Variants in CCDC120 observed in about 807,000 individuals in gnomAD.
CCDC120 encodes the protein coiled-coil domain containing 120, also known as coiled-coil domain-containing protein 120.
Under a neutral mutation model 37.6 loss-of-function variants are expected in CCDC120, and 16 were observed. The observed-to-expected ratio is 0.43, with a 90% confidence interval of 0.29 to 0.65. CCDC120 has a LOEUF of 0.65. Among genes scored for constraint, CCDC120 ranks in the 30% least tolerant of loss-of-function variants. The probability of loss-of-function intolerance (pLI) is 0.18; values close to 1 mark genes in which losing one functional copy is unlikely to be tolerated. For synonymous variants in CCDC120, 309 were observed against 275.4 expected, an observed-to-expected ratio of 1.12 and a Z score of -1.21; for missense variants, 650 against 657.4, an observed-to-expected ratio of 0.99 and a Z score of 0.12.
Position 49,067,736 on chromosome X carries a change from C to A in CCDC120, c.1622C>A (p.Pro541His), listed in dbSNP as rs782321666. The A allele has an allele frequency of 3.6e-5, 43 of 1,194,653 alleles. No homozygotes were observed. Among genetic ancestry groups the A allele is most frequent in the Middle Eastern group, 2.3e-4 (1 of 4,316 alleles). Reference sequence around the variant, plus strand: ...AGCCCCCTCCTCCGCACCAAGGACCCCCACACCCGTGCCACCCGCACTAAG... The same window carrying A: ...AGCCCCCTCCTCCGCACCAAGGACCACCACACCCGTGCCACCCGCACTAAG... ...SNSPLLRTKD[P>H]HTRATRTKPC... The change falls in exon 10 of 11, where the codon CCC (proline) becomes CAC (histidine). Residue 541 changes from proline to histidine, a missense_variant. Around this residue, in one of 3 missense-constraint regions of CCDC120, gnomAD observed 576 missense variants for 565.3 expected, o/e 1.02. Transcript: ENST00000603986.
chrX:49,062,309 T>G lies in CCDC120; in HGVS notation c.138T>G (p.Pro46=), dbSNP rs2064895172. The G allele has an allele frequency of 1.7e-6, 2 of 1,209,446 alleles. No homozygotes were observed. Among genetic ancestry groups the G allele is most frequent in the Non-Finnish European group, 2.2e-6 (2 of 893,943 alleles). ...TCAAAGGTCAGCTGATCAGCTCTCCTACCTTCAATGCCCCAGGTCGGTGGC... is the reference window on the plus strand; with the variant it reads ...TCAAAGGTCAGCTGATCAGCTCTCCGACCTTCAATGCCCCAGGTCGGTGGC... The part of the protein sequence containing the change: ...MEVKGQLISS[P]TFNAPAALFG... Residue 46 remains proline, a synonymous_variant, in exon 3 of 11, where the codon CCT becomes CCG. Coordinates refer to ENST00000603986, the MANE Select transcript of CCDC120 (RefSeq NM_001163321.4).
chrX:49,067,257 T>C lies in CCDC120; in HGVS notation c.1143T>C (p.Asp381=), dbSNP rs1569522834. 1.1e-5 allele frequency: 13 copies of C among 1,210,869 alleles called. No homozygotes were observed. Among genetic ancestry groups the C allele is most frequent in the Non-Finnish European group, 1.5e-5 (13 of 895,291 alleles). The change falls in exon 10 of 11, where the codon GAT becomes GAC. Residue 381 remains aspartate (D), a synonymous_variant. Coordinates refer to ENST00000603986, the MANE Select transcript of CCDC120 (RefSeq NM_001163321.4). ...TCCCCCGGGCGGACCCTGCCTCCGA[T>C]CGCGCCTCCCTCTTCGTAGCTCGCA... The part of the protein sequence containing the change: ...MGFPRADPAS[D]RASLFVARTR...
At chrX:49,060,053 G>A (rs1197964452) in intron 1 of CCDC120, among the ~76,000 whole-genome samples, 4 of 112,243 alleles carry the variant, frequency 3.6e-5, no homozygotes, top group Non-Finnish European at 3.8e-5. Flanking sequence ...ATGTCCCCCC[G>A]AGGTCGGGCT....
chrX:49,067,712 GC>G lies in CCDC120; in HGVS notation c.1603del (p.Leu535SerfsTer136). On this transcript the variant is annotated frameshift_variant, in exon 10 of 11. Transcript: ENST00000603986. LOFTEE classifies it high-confidence loss of function. ...CCTGTGTATGCAGCTGACAGCAACA[GC>G]CCCCTCCTCCGCACCAAGGACCCCC... is the stretch of plus-strand genomic sequence containing the variant. ...PPPVYAADSN[S>X]PLLRTKDPHT... is the part of the protein sequence containing the mutation. 1 of 1,195,882 alleles carries G rather than the reference GC, an allele frequency of 8.4e-7. No homozygotes were observed. The highest frequency in any genetic ancestry group is 1.1e-6 in the Non-Finnish European group (1 of 884,838).
At chrX:49,054,285 T>C (rs897025087), upstream of CCDC120, among the ~76,000 whole-genome samples, 1 of 111,396 alleles carries the variant, frequency 9.0e-6, no homozygotes, top group Non-Finnish European at 1.9e-5. Flanking sequence ...GCTTGACCTG[T>C]CTGTTCCCTA....
At chrX:49,068,170 C>A in intron 10 of CCDC120, 80 bp downstream of exon 10, 1 of 1,123,902 alleles carries the variant, frequency 8.9e-7, no homozygotes, top group South Asian at 2.2e-5. Context: ...AGTGGCTAGT[C>A]ATGATAGCTA....
upstream of CCDC120, among the ~76,000 whole-genome samples, chrX:49,054,178 C>T (rs1276331090): frequency 3.6e-5 from 4 of 111,212 alleles, no homozygotes; most frequent in Non-Finnish European, 5.7e-5. Context: ...TCCTGGGGAT[C>T]TTTGACCTGA....
intron 5 of CCDC120, 55 bp from the exon 6 acceptor site, chrX:49,064,315 G>C: frequency 9.1e-7 from 1 of 1,103,370 alleles, no homozygotes; most frequent in Non-Finnish European, 1.2e-6. Flanking sequence ...TACTGGGTTT[G>C]GCCCCGCCAG....
At position 49,065,600 on chromosome X, in the gene CCDC120, C is replaced by T. The variant is rs782501229; in HGVS notation, c.934C>T (p.Arg312Trp). Residue 312 changes from arginine (R) to tryptophan (W), a missense_variant, in exon 8 of 11, where the codon CGG becomes TGG. Physicochemically the swap from Arg to Trp is moderately radical, Grantham distance 101 (BLOSUM62 -3). This residue lies in a region of CCDC120 where 576 missense variants were observed against 565.3 expected (regional missense o/e 1.02). Coordinates refer to ENST00000603986, the MANE Select transcript of CCDC120 (RefSeq NM_001163321.4). ...PSDLYGDLKS[R>W]RNSVASPTSP... ...AGATCTTTATGGGGATCTGAAGAGC[C>T]GGCGGAACTCTGTGGCCAGCCCCAC... 4.1e-6 allele frequency: 5 copies of T among 1,207,637 alleles called. No individual in the cohort carries two copies. The highest frequency in any genetic ancestry group is 3.0e-5 in the East Asian group (1 of 33,717).
At chrX:49,061,902 G>A in intron 1 of CCDC120, 57 bp from the exon 2 acceptor site, 1 of 1,068,572 alleles carries the variant, frequency 9.4e-7, no homozygotes, top group South Asian at 2.3e-5. Flanking sequence ...GGTGTTGACT[G>A]CGTGTCCATT....
At chrX:49,060,679 G>A (rs1557079275) in intron 1 of CCDC120, among the ~76,000 whole-genome samples, 1 of 110,797 alleles carries the variant, frequency 9.0e-6, no homozygotes, top group African/African-American at 3.3e-5. Flanking sequence ...GATGAGTGGG[G>A]ATGTGGGGCC....
chrX:49,057,999 G>T (rs2064843247), upstream of CCDC120, among the ~76,000 whole-genome samples: 1 of 111,829 alleles, frequency 8.9e-6, no homozygotes, highest in Non-Finnish European at 1.9e-5. Context: ...ATGTGAAGAA[G>T]CATGAGCCCC....
rs373591820 is a variant in CCDC120 at position 49,067,272 on chromosome X, C to T, written c.1158C>T (p.Phe386=). 17 of 1,209,150 alleles carry T rather than the reference C, an allele frequency of 1.4e-5. No individual in the cohort carries two copies. The African/African-American group carries it at 1.7e-4, about 12-fold the overall frequency. The part of the protein sequence containing the change: ...ADPASDRASL[F]VARTRRSNSS... ...CTGCCTCCGATCGCGCCTCCCTCTT[C>T]GTAGCTCGCACCCGCCGCAGCAACA... Residue 386 remains phenylalanine, a synonymous_variant, in exon 10 of 11, where the codon TTC becomes TTT. Transcript: ENST00000603986.
At position 49,065,858 on chromosome X, in the gene CCDC120, T is replaced by C. The variant is rs1557081066; in HGVS notation, c.1061+13T>C. The C allele has an allele frequency of 4.4e-6, 5 of 1,147,892 alleles. No individual in the cohort carries two copies. In the South Asian group the frequency reaches 9.6e-5, roughly 22 times the overall value. 94.6% of individuals were successfully genotyped at this position (1,147,892 alleles called of 1,213,427 possible). A position where few individuals can be genotyped will look rare whatever the true frequency, so the allele number is the denominator to read the frequency against. On this transcript the variant is annotated intron_variant, in intron 9 of 10. Coordinates refer to ENST00000603986, the MANE Select transcript of CCDC120 (RefSeq NM_001163321.4). ...CCCAGCTCTGCAAGTAAGGGGAATC[T>C]GAGGGTGGGCTGGAGGATCAGAGGG...
rs1227437292 is a variant in CCDC120, at chrX:49,065,791, G to A, written c.1007G>A (p.Arg336Gln). The change falls in exon 9 of 11, where the codon CGA becomes CAA. Residue 336 changes from arginine (R) to glutamine (Q), a missense_variant. Physicochemically the swap from Arg to Gln is conservative, Grantham distance 43. Coordinates refer to ENST00000603986, the MANE Select transcript of CCDC120 (RefSeq NM_001163321.4). Reference protein sequence around the residue: ...LPRSASSFEGRSVPATPVLTR... With the variant: ...LPRSASSFEGQSVPATPVLTR... Reference sequence around the variant, plus strand: ...AGGAGTGCCTCCAGTTTTGAGGGGCGAAGTGTGCCTGCCACCCCTGTCCTC... The same window carrying A: ...AGGAGTGCCTCCAGTTTTGAGGGGCAAAGTGTGCCTGCCACCCCTGTCCTC... 5.1e-6 allele frequency: 6 copies of A among 1,171,132 alleles called. No homozygotes were observed. Among genetic ancestry groups the A allele is most frequent in the South Asian group, 1.9e-5 (1 of 52,910 alleles).
intron 5 of CCDC120, 138 bp downstream of exon 5, chrX:49,064,139 G>A (rs782810213): frequency 1.1e-6 from 1 of 920,177 alleles, no homozygotes; most frequent in South Asian, 2.6e-5. Context: ...GGCTTCTGGA[G>A]TTAGTTTCCT....
chrX:49,064,204 G>A (rs187898804), intron 5 of CCDC120, among the ~76,000 whole-genome samples, 166 bp from the exon 6 acceptor site: 6 of 111,712 alleles, frequency 5.4e-5, no homozygotes, highest in African/African-American at 1.9e-4. Flanking sequence ...CAACCCTAAG[G>A]AAGATGAACA....
intron 1 of CCDC120, 114 bp from the exon 2 acceptor site, chrX:49,061,845 C>A: frequency 1.3e-6 from 1 of 763,648 alleles, no homozygotes; most frequent in Non-Finnish European, 1.8e-6. Context: ...TTCCGGGTGG[C>A]TCTGAAGATT....
chrX:49,064,814 G>T, intron 6 of CCDC120, 150 bp downstream of exon 6: 1 of 756,445 alleles, frequency 1.3e-6, no homozygotes, highest in Non-Finnish European at 1.9e-6. Flanking sequence ...TGGCTTACCG[G>T]AAAGGACAAA....
Sources: allele counts gnomAD v4.1 joint callset (sites outside exome capture counted in the v4.1 genomes callset), GRCh38; gene constraint gnomAD v4.1.1; regional missense constraint gnomAD v4.1.1; transcripts MANE v1.5; gene names NCBI Gene and HGNC (gene_info 2026-07-23, HGNC 2026-07-21).